The following CCDC85A variants were observed in gnomAD, a reference collection of about 807,000 sequenced individuals.
CCDC85A encodes the protein coiled-coil domain-containing protein 85A.
Under a neutral mutation model 50.2 loss-of-function variants are expected in CCDC85A, and 38 were observed. The ratio of observed to expected loss-of-function variants is 0.76; its 90% CI spans 0.58 to 0.99. The LOEUF is 0.99. Ranked by LOEUF, CCDC85A falls within the 50% of genes least tolerant of loss-of-function variation. The pLI is 0.00. For missense variants in CCDC85A, 820 were observed against 742.0 expected (o/e 1.11, Z -1.22); for synonymous variants, 366 against 301.4 (o/e 1.21, Z -2.22).
intron 2 of CCDC85A, among the ~76,000 whole-genome samples, chr2:56,269,533 T>C (rs571050136): frequency 6.6e-6 from 1 of 152,316 alleles, no homozygotes; most frequent in South Asian, 2.1e-4. Context: ...TTAAGCTTCA[T>C]TATCTTTACA....
chr2:56,203,731 G>A (rs1015407901), intron 2 of CCDC85A, among the ~76,000 whole-genome samples: 19 of 152,140 alleles, frequency 1.2e-4, no homozygotes, highest in African/African-American at 4.6e-4. Flanking sequence ...AAACTGACAT[G>A]TGGCATCTAA....
At chr2:56,348,293 A>G (rs931041299) in intron 3 of CCDC85A, among the ~76,000 whole-genome samples, 1 of 152,150 alleles carries the variant, frequency 6.6e-6, no homozygotes, top group Non-Finnish European at 1.5e-5. Context: ...CTTGAAGCCA[A>G]CATTTGCAAG....
chr2:56,200,846 A>C (rs1044801352), intron 2 of CCDC85A, among the ~76,000 whole-genome samples: 1 of 152,182 alleles, frequency 6.6e-6, no homozygotes, highest in African/African-American at 2.4e-5. Context: ...GAATACAAGA[A>C]GTCTTGGGAC....
chr2:56,249,473 C>G (rs1045412894), intron 2 of CCDC85A, among the ~76,000 whole-genome samples: 4 of 152,194 alleles, frequency 2.6e-5, no homozygotes, highest in African/African-American at 4.8e-5. Flanking sequence ...AAAACAATCC[C>G]ATACAGGGCC....
chr2:56,270,783 G>A (rs1055988826), intron 2 of CCDC85A, among the ~76,000 whole-genome samples: 1 of 152,212 alleles, frequency 6.6e-6, no homozygotes, highest in Non-Finnish European at 1.5e-5. Context: ...GGTGTTTAAT[G>A]TAGGAACTCA....
chr2:56,238,563 A>G (rs772998161), intron 2 of CCDC85A, among the ~76,000 whole-genome samples: 2 of 152,016 alleles, frequency 1.3e-5, no homozygotes, highest in African/African-American at 2.4e-5. Flanking sequence ...TTTGTTGGAC[A>G]TTGTACAGAT....
chr2:56,346,339 TCA>T (rs1339888898), intron 3 of CCDC85A, among the ~76,000 whole-genome samples: 3 of 152,216 alleles, frequency 2.0e-5, no homozygotes, highest in African/African-American at 7.2e-5. Context: ...TTTTGTGGGC[TCA>T]GGGGTAAATA....
chr2:56,260,788 A>G (rs1670184424), intron 2 of CCDC85A, among the ~76,000 whole-genome samples: 1 of 152,230 alleles, frequency 6.6e-6, no homozygotes, highest in Non-Finnish European at 1.5e-5. Flanking sequence ...GGTCATTTAG[A>G]CATATAAAAG....
chr2:56,380,576 A>G (rs1384856149), intron 5 of CCDC85A, among the ~76,000 whole-genome samples: 2 of 151,862 alleles, frequency 1.3e-5, no homozygotes, highest in Non-Finnish European at 2.9e-5. Context: ...AAAAACAACA[A>G]CAACAGGATA....
At chr2:56,357,958 C>G (rs1675320867) in intron 3 of CCDC85A, among the ~76,000 whole-genome samples, 2 of 152,168 alleles carry the variant, frequency 1.3e-5, no homozygotes, top group South Asian at 2.1e-4. Context: ...ATGATGATTC[C>G]CATTCTGACC....
intron 2 of CCDC85A, among the ~76,000 whole-genome samples, chr2:56,338,804 G>C (rs556042822): frequency 1.3e-5 from 2 of 151,878 alleles, no homozygotes; most frequent in East Asian, 3.9e-4. Context: ...TCCTATAGGG[G>C]CTTGGGGACC....
At chr2:56,372,323 C>T (rs764380530) in intron 3 of CCDC85A, 21 bp from the exon 4 acceptor site, 7 of 1,537,006 alleles carry the variant, frequency 4.6e-6, no homozygotes, top group Middle Eastern at 1.7e-4. Context: ...AGTGATTGTA[C>T]CATATTGTTC....
chr2:56,285,543 A>G (rs1671403630), intron 2 of CCDC85A, among the ~76,000 whole-genome samples: 1 of 146,442 alleles, frequency 6.8e-6, no homozygotes, highest in Non-Finnish European at 1.5e-5. Context: ...TATTATTTAT[A>G]TATAATATAA....
At chr2:56,198,636 A>G (rs1171320795) in intron 2 of CCDC85A, among the ~76,000 whole-genome samples, 4 of 152,234 alleles carry the variant, frequency 2.6e-5, no homozygotes, top group Admixed American at 2.6e-4. Context: ...TGCAATATAT[A>G]TCAGAGGAAA....
At chr2:56,305,620 G>A (rs1672408729) in intron 2 of CCDC85A, among the ~76,000 whole-genome samples, 1 of 152,230 alleles carries the variant, frequency 6.6e-6, no homozygotes, top group Non-Finnish European at 1.5e-5. Context: ...TTGCCTCACA[G>A]GCAGCAGGAT....
chr2:56,248,711 A>G lies in CCDC85A; in HGVS notation c.1240+55271A>G, dbSNP rs543418947. Among the ~76,000 whole-genome samples, 11 of 152,264 alleles carry G rather than the reference A, an allele frequency of 7.2e-5. No individual in the cohort carries two copies. In the South Asian group the frequency reaches 1.0e-3, roughly 14 times the overall value. ...TGGAGACAATAGTAAGTTCATTTTT[A>G]TCAAGCACTTTACGTGGCAGGGCTG... On this transcript the variant is annotated intron_variant, in intron 2 of 5. Transcript: ENST00000407595.
intron 2 of CCDC85A, among the ~76,000 whole-genome samples, chr2:56,200,448 C>T (rs542688018): frequency 2.0e-5 from 3 of 152,138 alleles, no homozygotes; most frequent in Non-Finnish European, 4.4e-5. Flanking sequence ...GAGTAGACTA[C>T]GGGACACTTG....
intron 2 of CCDC85A, among the ~76,000 whole-genome samples, chr2:56,210,292 A>G (rs1677130963): frequency 6.6e-6 from 1 of 152,070 alleles, no homozygotes; most frequent in Admixed American, 6.5e-5. Flanking sequence ...ATTCATATAC[A>G]AATCTAAGTG....
intron 2 of CCDC85A, among the ~76,000 whole-genome samples, chr2:56,336,094 A>G (rs937785110): frequency 6.6e-6 from 1 of 152,152 alleles, no homozygotes; most frequent in African/African-American, 2.4e-5. Flanking sequence ...GCTAACATCT[A>G]TAAACTCATG....
Sources: gnomAD v4.1 joint callset for allele counts (sites outside exome capture counted in the v4.1 genomes callset) on GRCh38, gnomAD v4.1.1 for gene constraint, MANE v1.5 for transcripts, NCBI Gene and HGNC (gene_info 2026-07-23, HGNC 2026-07-21) for gene names.